RARB: variants seen among roughly 807,000 people sequenced by gnomAD.
RARB encodes HBV-activated protein.
A neutral mutation model predicts 51.9 loss-of-function variants in RARB; 17 were observed. That is an observed-to-expected ratio of 0.33 (90% CI 0.22 to 0.49). The LOEUF is 0.49. Among genes scored for constraint, RARB ranks in the 20% least tolerant of loss-of-function variants. The probability of loss-of-function intolerance (pLI) is 0.99; values close to 1 mark genes in which losing one functional copy is unlikely to be tolerated. For missense variants in RARB, 369 were observed against 550.8 expected, an observed-to-expected ratio of 0.67 and a Z score of 3.30; for synonymous variants, 215 against 195.4, an observed-to-expected ratio of 1.10 and a Z score of -0.84.
chr3:25,428,815 C>G lies in RARB; in HGVS notation c.84C>G (p.Leu28=), dbSNP rs1021557007. Residue 28 remains leucine, a synonymous_variant, in exon 1 of 8, where the codon CTC becomes CTG. Coordinates refer to ENST00000330688, the MANE Select transcript of RARB (RefSeq NM_000965.5). ...FYTASPSSCM[L]QEKALKACFS... is the part of the protein sequence containing the mutation. Reference sequence around the variant, plus strand: ...CTGCGAGTCCGTCTTCCTGCATGCTCCAGGAGAAAGCTCTCAAAGCATGCT... The same window carrying G: ...CTGCGAGTCCGTCTTCCTGCATGCTGCAGGAGAAAGCTCTCAAAGCATGCT... The G allele has an allele frequency of 1.2e-6, 2 of 1,613,996 alleles. No individual in the cohort carries two copies. The highest frequency in any genetic ancestry group is 1.7e-6 in the Non-Finnish European group (2 of 1,180,016).
chr3:25,232,290 A>G (rs753790353), intron 5 of RARB, among the ~76,000 whole-genome samples: 9 of 152,132 alleles, frequency 5.9e-5, no homozygotes, highest in Non-Finnish European at 1.2e-4. Context: ...GTTCTTCAAA[A>G]TTGTTTAACA....
chr3:25,408,879 C>T (rs1471076577), intron 5 of RARB, among the ~76,000 whole-genome samples: 4 of 152,044 alleles, frequency 2.6e-5, no homozygotes, highest in Non-Finnish European at 1.5e-5. Context: ...ACTAAAAATA[C>T]AAAAATTAGC....
intron 2 of RARB, among the ~76,000 whole-genome samples, chr3:25,024,059 A>G (rs1380918258): frequency 6.6e-6 from 1 of 152,144 alleles, no homozygotes; most frequent in African/African-American, 2.4e-5. Flanking sequence ...ATCAAGCTCT[A>G]CTCTCAGAGT....
chr3:24,867,384 A>G (rs1007505525), intron 2 of RARB, among the ~76,000 whole-genome samples: 3 of 152,160 alleles, frequency 2.0e-5, no homozygotes, highest in Non-Finnish European at 4.4e-5. Context: ...CACTGCCACA[A>G]TTTTCTCACT....
At chr3:25,392,598 TC>T (rs1706996625) in intron 5 of RARB, among the ~76,000 whole-genome samples, 1 of 152,138 alleles carries the variant, frequency 6.6e-6, no homozygotes, top group Non-Finnish European at 1.5e-5. Flanking sequence ...CTTGTAGAGG[TC>T]TTCCACATCC....
chr3:25,018,029 G>A (rs571426561), intron 2 of RARB, among the ~76,000 whole-genome samples: 1 of 152,250 alleles, frequency 6.6e-6, no homozygotes, highest in South Asian at 2.1e-4. Flanking sequence ...GGACTACCCA[G>A]CCTCCAGAAC....
intron 1 of RARB, among the ~76,000 whole-genome samples, chr3:25,433,949 T>C (rs1197438914): frequency 6.6e-6 from 1 of 152,198 alleles, no homozygotes; most frequent in East Asian, 1.9e-4. Flanking sequence ...TCAGAGCTTC[T>C]TAGATGGGAA....
At chr3:25,500,418 G>A (rs1697237770) in intron 2 of RARB, among the ~76,000 whole-genome samples, 1 of 136,634 alleles carries the variant, frequency 7.3e-6, no homozygotes, top group African/African-American at 2.8e-5. Flanking sequence ...ACTAACTCTT[G>A]CATTAGGCAA....
At chr3:24,996,371 C>G (rs1200510577) in intron 2 of RARB, among the ~76,000 whole-genome samples, 1 of 152,002 alleles carries the variant, frequency 6.6e-6, no homozygotes, top group Middle Eastern at 3.4e-3. Context: ...ATTAGTCTAT[C>G]TAATGATTTG....
chr3:25,373,819 T>G (rs1376285050), intron 5 of RARB, among the ~76,000 whole-genome samples: 1 of 152,176 alleles, frequency 6.6e-6, no homozygotes, highest in Non-Finnish European at 1.5e-5. Flanking sequence ...AGAGGCCATT[T>G]GTCTTTGTCT....
At chr3:25,382,553 C>T (rs1706659974) in intron 5 of RARB, among the ~76,000 whole-genome samples, 1 of 152,192 alleles carries the variant, frequency 6.6e-6, no homozygotes, top group Non-Finnish European at 1.5e-5. Context: ...ACGTATACCT[C>T]TCTTATGAAA....
chr3:25,270,809 G>T (rs577766288), intron 5 of RARB, among the ~76,000 whole-genome samples: 2 of 152,336 alleles, frequency 1.3e-5, no homozygotes, highest in African/African-American at 2.4e-5. Flanking sequence ...GGTTGTAACA[G>T]GTTGGTGCAA....
intron 2 of RARB, among the ~76,000 whole-genome samples, chr3:24,998,675 A>G (rs1448165486): frequency 6.6e-6 from 1 of 152,084 alleles, no homozygotes; most frequent in Non-Finnish European, 1.5e-5. Flanking sequence ...ACTGTAGCTT[A>G]ACATTCCTTT....
At chr3:25,338,650 G>C (rs1046760333) in intron 5 of RARB, among the ~76,000 whole-genome samples, 30 of 152,190 alleles carry the variant, frequency 2.0e-4, no homozygotes, top group African/African-American at 7.2e-4. Context: ...ACAAGCTTCT[G>C]TGGGTTTCTG....
intron 5 of RARB, among the ~76,000 whole-genome samples, chr3:25,188,486 T>A (rs1385151058): frequency 6.6e-6 from 1 of 152,186 alleles, no homozygotes; most frequent in African/African-American, 2.4e-5. Context: ...CAGAGGTTTA[T>A]TAGCATTTTG....
intron 3 of RARB, among the ~76,000 whole-genome samples, chr3:25,526,262 G>A (rs886485393): frequency 9.9e-5 from 15 of 152,170 alleles, no homozygotes; most frequent in African/African-American, 3.6e-4. Context: ...AAGTGAGGAA[G>A]GAAGTGGTCC....
chr3:25,570,334 G>A (rs1432364585), intron 4 of RARB, among the ~76,000 whole-genome samples: 1 of 152,222 alleles, frequency 6.6e-6, no homozygotes, highest in African/African-American at 2.4e-5. Flanking sequence ...GAGGGACCCA[G>A]GGGGACGGGG....
At chr3:24,945,782 C>T (rs974770334) in intron 2 of RARB, among the ~76,000 whole-genome samples, 2 of 152,150 alleles carry the variant, frequency 1.3e-5, no homozygotes, top group South Asian at 2.1e-4. Flanking sequence ...TATGCAACTC[C>T]CTGAGGCATT....
At chr3:25,559,576 T>C (rs151197429) in intron 3 of RARB, among the ~76,000 whole-genome samples, 25 of 152,378 alleles carry the variant, frequency 1.6e-4, no homozygotes, top group African/African-American at 5.5e-4. Context: ...CTTGTGTCTT[T>C]AACATGCATA....
Sources: allele counts gnomAD v4.1 joint callset (sites outside exome capture counted in the v4.1 genomes callset), GRCh38; gene constraint gnomAD v4.1.1; transcripts MANE v1.5; gene names NCBI Gene and HGNC (gene_info 2026-07-23, HGNC 2026-07-21).